Variants in TRPV2 observed in about 807,000 individuals in gnomAD.
TRPV2 encodes transient receptor potential cation channel subfamily V member 2, also known as OTRPC2.
In TRPV2, 58 loss-of-function variants were observed where a neutral mutation model predicts 91.0. The observed-to-expected ratio is 0.64, with a 90% CI of 0.52 to 0.79. The LOEUF (loss-of-function observed/expected upper bound fraction) is 0.79. Ranked by LOEUF, TRPV2 falls within the 30% of genes least tolerant of loss-of-function variation. The probability of loss-of-function intolerance (pLI) is 0.00; values close to 1 mark genes in which losing one functional copy is unlikely to be tolerated. For missense variants in TRPV2, 807 were observed against 969.6 expected, an observed-to-expected ratio of 0.83 and a Z score of 2.23; for synonymous variants, 417 against 414.8, an observed-to-expected ratio of 1.01 and a Z score of -0.06.
intron 10 of TRPV2, 128 bp from the exon 11 acceptor site, chr17:16,431,656 A>G (rs2093413145): frequency 1.3e-6 from 1 of 789,630 alleles, no homozygotes; most frequent in Non-Finnish European, 2.2e-6. Flanking sequence ...ACAGGCCCAC[A>G]TATGCATATG....
At chr17:16,423,370 C>A (rs889838729) in intron 4 of TRPV2, 99 bp from the exon 5 acceptor site, 75 of 1,366,736 alleles carry the variant, frequency 5.5e-5, no homozygotes, top group Admixed American at 1.2e-4. Context: ...AGAAGCCTGA[C>A]CTGTTTCAAG....
rs1162224931 is a variant in TRPV2, at chr17:16,417,870, T to C, written c.200+2T>C. 10 of 1,613,524 alleles carry C rather than the reference T, an allele frequency of 6.2e-6. No individual in the cohort carries two copies. The highest frequency in any genetic ancestry group is 1.7e-5 in the Admixed American group (1 of 59,958). On this transcript the variant is annotated splice_donor_variant, in intron 2 of 14. Coordinates refer to ENST00000338560, the MANE Select transcript of TRPV2 (RefSeq NM_016113.5). LOFTEE classifies it high-confidence loss of function. Reference sequence around the variant, plus strand: ...CTACCGAAAGGGAACAGGTGCCAGGTGAGACAGCAAGTGGGGGCAGGGCAA... The same window carrying C: ...CTACCGAAAGGGAACAGGTGCCAGGCGAGACAGCAAGTGGGGGCAGGGCAA...
intron 1 of TRPV2, among the ~76,000 whole-genome samples, chr17:16,417,169 G>A (rs558389637): frequency 6.6e-6 from 1 of 152,224 alleles, no homozygotes; most frequent in East Asian, 1.9e-4. Flanking sequence ...CCTGCATTGG[G>A]GCTGGGCTCC....
chr17:16,428,162 A>T (rs2142995749), intron 8 of TRPV2, among the ~76,000 whole-genome samples, 155 bp from the exon 9 acceptor site: 1 of 152,318 alleles, frequency 6.6e-6, no homozygotes, highest in Non-Finnish European at 1.5e-5. Flanking sequence ...AGAAAGTCCC[A>T]AGCTATCTCA....
chr17:16,428,442 C>G lies in TRPV2; in HGVS notation c.1421+55C>G, dbSNP rs1160478012. The G allele has an allele frequency of 1.0e-5, 16 of 1,577,142 alleles. No individual in the cohort carries two copies. In the South Asian group the frequency reaches 1.8e-4, roughly 17 times the overall value. On this transcript the variant is annotated intron_variant, in intron 9 of 14. Transcript: ENST00000338560. ...AACTGTCTCTGAGGTCTGGAAGGGG[C>G]AGTTGTGGCAGAAGGCACCAGGTTG...
rs1479543534 is a variant in TRPV2, at chr17:16,432,297, G to A, written c.1986G>A (p.Leu662=). 1 of 1,602,264 alleles carries A rather than the reference G, an allele frequency of 6.2e-7. No homozygotes were observed. Among genetic ancestry groups the A allele is most frequent in the Admixed American group, 1.7e-5 (1 of 59,724 alleles). The part of the protein sequence containing the change: ...VATDSWSIWK[L]QKAISVLEME... ...CTGACAGCTGGAGCATCTGGAAGCTGCAGGTGCCACCAGAGAGGCTCCCTG... is the reference window on the plus strand; with the variant it reads ...CTGACAGCTGGAGCATCTGGAAGCTACAGGTGCCACCAGAGAGGCTCCCTG... Residue 662 remains leucine, a synonymous_variant, in exon 12 of 15, where the codon CTG becomes CTA. Transcript: ENST00000338560.
At chr17:16,434,467 CAAAAAAAAAAAA>C (rs10634588) in intron 13 of TRPV2, among the ~76,000 whole-genome samples, 1 of 109,764 alleles carries the variant, frequency 9.1e-6, no homozygotes, top group Non-Finnish European at 1.8e-5. Context: ...GACTCCATCT[CAAAAAAAAAAAA>C]AAAAAGAAAA....
At position 16,417,673 on chromosome 17, in the gene TRPV2, C is replaced by G; in HGVS notation, c.5C>G (p.Thr2Ser). 1 of 1,614,048 alleles carries G rather than the reference C, an allele frequency of 6.2e-7. No individual in the cohort carries two copies. The highest frequency in any genetic ancestry group is 8.5e-7 in the Non-Finnish European group (1 of 1,179,958). The change falls in exon 2 of 15, where the codon ACC (threonine) becomes AGC (serine). Residue 2 changes from threonine (T) to serine (S), a missense_variant. By Grantham distance (58) the Thr-to-Ser change is moderately conservative. Transcript: ENST00000338560. Reference sequence around the variant, plus strand: ...GAGCAGCCTCCTCCTCCTAGGATGACCTCACCCTCCAGCTCTCCAGTTTTC... The same window carrying G: ...GAGCAGCCTCCTCCTCCTAGGATGAGCTCACCCTCCAGCTCTCCAGTTTTC... M[T>S]SPSSSPVFRL...
chr17:16,422,466 C>A, intron 3 of TRPV2, 133 bp from the exon 4 acceptor site: 3 of 836,850 alleles, frequency 3.6e-6, no homozygotes, highest in Middle Eastern at 3.6e-4. Context: ...GTTGTGCTCC[C>A]ACCAGTTATG....
Position 16,420,908 on chromosome 17 carries a change from G to A in TRPV2, c.334+660G>A, listed in dbSNP as rs557964804. Among the ~76,000 whole-genome samples the A allele has an allele frequency of 1.2e-4, 19 of 152,244 alleles. 1 individual carries two copies. In the East Asian group the frequency reaches 2.9e-3, roughly 23 times the overall value. On this transcript the variant is annotated intron_variant, in intron 3 of 14. Coordinates refer to ENST00000338560, the MANE Select transcript of TRPV2 (RefSeq NM_016113.5). The stretch of plus-strand genomic sequence containing the variant: ...TGGGATTACAGGTGTGAGCCACCGC[G>A]CAGGGCCTATCCAGACTTTCTTAAT...
chr17:16,425,852 G>T (rs893242958), intron 5 of TRPV2, among the ~76,000 whole-genome samples: 3 of 152,216 alleles, frequency 2.0e-5, no homozygotes, highest in East Asian at 1.9e-4. Context: ...TTCAAGGAAG[G>T]CCACAGGGCA....
chr17:16,430,391 A>G lies in TRPV2; in HGVS notation c.1588-1393A>G, dbSNP rs191056054. On this transcript the variant is annotated intron_variant, in intron 10 of 14. Transcript: ENST00000338560. The stretch of plus-strand genomic sequence containing the variant: ...ACCATAGCTACATCGTAGAAGTGGA[A>G]TCATACAGTATTTGTCCTTTAATGT... 9.2e-5 allele frequency among the ~76,000 whole-genome samples: 14 copies of G among 152,200 alleles called. No homozygotes were observed. In the East Asian group the frequency reaches 2.5e-3, roughly 27 times the overall value.
At position 16,426,296 on chromosome 17, in the gene TRPV2, G is replaced by T; in HGVS notation, c.1095+27G>T. 1 of 1,611,728 alleles carries T rather than the reference G, an allele frequency of 6.2e-7. No individual in the cohort carries two copies. Among genetic ancestry groups the T allele is most frequent in the Non-Finnish European group, 8.5e-7 (1 of 1,178,424 alleles). On this transcript the variant is annotated intron_variant, in intron 6 of 14. Transcript: ENST00000338560. This position sits in a 1 kb window ranked among gnomAD's most constrained non-coding sequence, Gnocchi z 6.0. ...TGAGCCCACAGGAGCATGGGTGCACGCAGAGGACCCAGCAGAGTTTCCAGC... is the reference window on the plus strand; with the variant it reads ...TGAGCCCACAGGAGCATGGGTGCACTCAGAGGACCCAGCAGAGTTTCCAGC...
intron 13 of TRPV2, among the ~76,000 whole-genome samples, chr17:16,433,979 G>A (rs953331197): frequency 1.3e-5 from 2 of 152,208 alleles, no homozygotes; most frequent in Non-Finnish European, 2.9e-5. Flanking sequence ...GTTACGGTAA[G>A]GAGGCCAAGA....
chr17:16,431,047 T>G (rs998038986), intron 10 of TRPV2, among the ~76,000 whole-genome samples: 10 of 144,202 alleles, frequency 6.9e-5, no homozygotes, highest in Admixed American at 1.3e-4. Flanking sequence ...GTTTTTTTTT[T>G]TTGTTTTTTG....
intron 10 of TRPV2, among the ~76,000 whole-genome samples, chr17:16,431,291 A>ATAT (rs1333090555): frequency 3.0e-5 from 2 of 67,384 alleles, no homozygotes; most frequent in African/African-American, 6.4e-5. Context: ...ATATATACAT[A>ATAT]TTTTTTTTTT....
In TRPV2 at chr17:16,422,632, C is replaced by A; in HGVS notation, c.368C>A (p.Ala123Asp). 1 of 1,614,184 alleles carries A rather than the reference C, an allele frequency of 6.2e-7. No homozygotes were observed. Among genetic ancestry groups the A allele is most frequent in the Non-Finnish European group, 8.5e-7 (1 of 1,180,026 alleles). The stretch of plus-strand genomic sequence containing the variant: ...ACAGGTAAGACGTGCCTGATGAAGG[C>A]TGTGCTGAACCTTAAGGACGGAGTC... Reference protein sequence around the residue: ...GSTGKTCLMKAVLNLKDGVNA... With the variant: ...GSTGKTCLMKDVLNLKDGVNA... Residue 123 changes from alanine to aspartate, a missense_variant, in exon 4 of 15, where the codon GCT becomes GAT. By Grantham distance (126) the Ala-to-Asp change is moderately radical. Coordinates refer to ENST00000338560, the MANE Select transcript of TRPV2 (RefSeq NM_016113.5).
At chr17:16,425,064 G>A (rs1169545096) in intron 5 of TRPV2, among the ~76,000 whole-genome samples, 125 of 108,450 alleles carry the variant, frequency 1.2e-3, no homozygotes, top group African/African-American at 4.2e-3. Flanking sequence ...CGCTCTTGTT[G>A]CCCAGGCTGG....
At chr17:16,417,075 G>A (rs2093334206) in intron 1 of TRPV2, among the ~76,000 whole-genome samples, 1 of 151,860 alleles carries the variant, frequency 6.6e-6, no homozygotes, top group South Asian at 2.1e-4. Flanking sequence ...TCAAAAGGGT[G>A]GCCCTATTGG....
Sources: gnomAD v4.1 joint callset for allele counts (sites outside exome capture counted in the v4.1 genomes callset) on GRCh38, gnomAD v4.1.1 for gene constraint, Gnocchi (gnomAD v3.1) non-coding constraint, MANE v1.5 for transcripts, NCBI Gene and HGNC (gene_info 2026-07-23, HGNC 2026-07-21) for gene names.